Variants in ANKRD17 observed in about 807,000 individuals in gnomAD.
ANKRD17 encodes the protein ankyrin repeat domain-containing protein 17.
A neutral mutation model predicts 229.7 loss-of-function variants in ANKRD17; 19 were observed. The observed-to-expected ratio is 0.08, with a 90% CI of 0.06 to 0.12. The LOEUF (loss-of-function observed/expected upper bound fraction) is 0.12, where lower values mean the gene tolerates loss of function less well. Among genes scored for constraint, ANKRD17 ranks in the 10% least tolerant of loss-of-function variants. ANKRD17 has a pLI of 1.00. For missense variants in ANKRD17, 2,176 were observed against 3,176.8 expected, an observed-to-expected ratio of 0.68 and a Z score of 7.57; for synonymous variants, 1,112 against 1,146.1, an observed-to-expected ratio of 0.97 and a Z score of 0.60.
chr4:73,194,003 T>TACC (rs1737503353), intron 1 of ANKRD17, among the ~76,000 whole-genome samples: 1 of 152,170 alleles, frequency 6.6e-6, no homozygotes, highest in African/African-American at 2.4e-5. Flanking sequence ...TCTTAATATA[T>TACC]ACCAAACAAG....
rs200364255 is a variant in ANKRD17, at chr4:73,121,121, A to C, written c.3636-27T>G. 6.2e-4 allele frequency: 961 copies of C among 1,556,666 alleles called. 15 individuals are homozygous for C. The highest frequency in any genetic ancestry group is 8.9e-5 in the Non-Finnish European group (100 of 1,128,382). ...TAGGGGTGCAGGTATGGGGAAAACA[A>C]ATGGAAAAATATATATTTTAAATGA... On this transcript the variant is annotated intron_variant, in intron 19 of 33. Coordinates refer to ENST00000358602, the MANE Select transcript of ANKRD17 (RefSeq NM_032217.5).
chr4:73,204,866 C>T (rs1179330159), intron 1 of ANKRD17, among the ~76,000 whole-genome samples: 1 of 151,968 alleles, frequency 6.6e-6, no homozygotes, highest in East Asian at 1.9e-4. Flanking sequence ...ATAATAAAAA[C>T]AGGTAATACA....
intron 1 of ANKRD17, among the ~76,000 whole-genome samples, chr4:73,249,810 G>A (rs193201781): frequency 6.6e-6 from 1 of 152,252 alleles, no homozygotes; most frequent in East Asian, 1.9e-4. Context: ...GAGACGGCAT[G>A]GCGCCACTGC....
intron 1 of ANKRD17, among the ~76,000 whole-genome samples, chr4:73,189,787 G>C (rs1211861277): frequency 6.6e-6 from 1 of 151,690 alleles, no homozygotes; most frequent in Non-Finnish European, 1.5e-5. Context: ...TCTTGTTCTT[G>C]GATACTTGCT....
At chr4:73,084,584 G>A (rs6849701) in intron 30 of ANKRD17, among the ~76,000 whole-genome samples, 124,168 of 151,618 alleles carry the variant, frequency 0.82, 51,255 homozygotes, top group East Asian at 0.87. Context: ...AAGTAGCTGG[G>A]ATCACAGGTG....
intron 3 of ANKRD17, among the ~76,000 whole-genome samples, chr4:73,158,195 A>AGG (rs1578222206): frequency 6.6e-6 from 1 of 152,130 alleles, no homozygotes; most frequent in East Asian, 1.9e-4. Flanking sequence ...AAAGAGAGAG[A>AGG]AAGAAAGAAA....
intron 24 of ANKRD17, among the ~76,000 whole-genome samples, chr4:73,111,035 T>G (rs1725252165): frequency 6.6e-6 from 1 of 152,198 alleles, no homozygotes; most frequent in Non-Finnish European, 1.5e-5. Flanking sequence ...ACTAGGAAAG[T>G]ATTCTGCAAG....
intron 29 of ANKRD17, 44 bp from the exon 30 acceptor site, chr4:73,085,490 C>T: frequency 6.6e-7 from 1 of 1,506,046 alleles, no homozygotes; most frequent in Non-Finnish European, 9.2e-7. Flanking sequence ...GTTACTCCTG[C>T]AAGAAATAGA....
chr4:73,120,434 C>G, intron 20 of ANKRD17, 97 bp from the exon 21 acceptor site: 1 of 1,153,536 alleles, frequency 8.7e-7, no homozygotes, highest in South Asian at 1.6e-5. Context: ...TATGATACAG[C>G]TGTTACCAAG....
At chr4:73,159,556 T>C (rs1444419477) in intron 3 of ANKRD17, among the ~76,000 whole-genome samples, 2 of 152,230 alleles carry the variant, frequency 1.3e-5, no homozygotes, top group African/African-American at 2.4e-5. Context: ...TCAAACTTTG[T>C]TGAATAAATA....
In ANKRD17 at chr4:73,154,051, C is replaced by G. The variant is rs1372906375; in HGVS notation, c.1063G>C (p.Glu355Gln). ...GYVDVVKVLL[E>Q]SGASIEDHNE... is the part of the protein sequence containing the mutation. ...TGGTCCTCAATACTAGCACCGGATTCCAAGAGCACCTTTACAACATCTACA... is the reference window on the plus strand; with the variant it reads ...TGGTCCTCAATACTAGCACCGGATTGCAAGAGCACCTTTACAACATCTACA... The change falls in exon 6 of 34, where the codon GAA (glutamate) becomes CAA (glutamine). Residue 355 changes from glutamate to glutamine, a missense_variant. Around this residue, in one of 18 missense-constraint regions of ANKRD17, gnomAD observed 184 missense variants for 357.8 expected, o/e 0.51. Coordinates refer to ENST00000358602, the MANE Select transcript of ANKRD17 (RefSeq NM_032217.5). 3 of 1,612,110 alleles carry G rather than the reference C, an allele frequency of 1.9e-6. No homozygotes were observed. Among genetic ancestry groups the G allele is most frequent in the East Asian group, 2.2e-5 (1 of 44,796 alleles).
chr4:73,210,200 T>C (rs1193591101), intron 1 of ANKRD17, among the ~76,000 whole-genome samples: 1 of 152,082 alleles, frequency 6.6e-6, no homozygotes, highest in African/African-American at 2.4e-5. Flanking sequence ...TAGAAAATCC[T>C]AAGATCTACC....
At chr4:73,125,978 T>C (rs1199663774) in intron 16 of ANKRD17, among the ~76,000 whole-genome samples, 2 of 152,208 alleles carry the variant, frequency 1.3e-5, no homozygotes, top group Admixed American at 1.3e-4. Flanking sequence ...TTTGAAACGA[T>C]GGTGTTTAGA....
chr4:73,119,057 T>C (rs752172345), intron 21 of ANKRD17, among the ~76,000 whole-genome samples: 6 of 151,828 alleles, frequency 4.0e-5, no homozygotes, highest in African/African-American at 7.3e-5. Context: ...CAGCTAATTT[T>C]TAAATTTCTT....
chr4:73,154,842 C>T (rs1731440918), intron 5 of ANKRD17, among the ~76,000 whole-genome samples: 1 of 151,954 alleles, frequency 6.6e-6, no homozygotes, highest in Non-Finnish European at 1.5e-5. Context: ...GAGATCGAGA[C>T]CATCCCGGCT....
chr4:73,200,992 G>GA (rs1553935291), intron 1 of ANKRD17, among the ~76,000 whole-genome samples: 1 of 108,616 alleles, frequency 9.2e-6, no homozygotes, highest in Non-Finnish European at 1.8e-5. Context: ...ATGGGCGGGG[G>GA]GGGGGGGAGA....
At chr4:73,122,591 T>C (rs1453317027) in intron 18 of ANKRD17, among the ~76,000 whole-genome samples, 2 of 152,144 alleles carry the variant, frequency 1.3e-5, no homozygotes, top group African/African-American at 2.4e-5. Flanking sequence ...AAATAAGATA[T>C]AGAGAAGTCA....
At chr4:73,167,709 C>T (rs991060562) in intron 2 of ANKRD17, among the ~76,000 whole-genome samples, 7 of 152,186 alleles carry the variant, frequency 4.6e-5, no homozygotes, top group African/African-American at 9.7e-5. Flanking sequence ...GGTCTCTACT[C>T]TTCTGTACAA....
At chr4:73,191,339 A>ATGTGTGTGTGTGTGTGTGTGTGTG (rs1203366910) in intron 1 of ANKRD17, among the ~76,000 whole-genome samples, 64 of 60,850 alleles carry the variant, frequency 1.1e-3, no homozygotes, top group Middle Eastern at 7.7e-3. Context: ...CAAAAAATAT[A>ATGTGTGTGTGTGTGTGTGTGTGTG]TATGTGTGTG....
Sources: gnomAD v4.1 joint callset for allele counts (sites outside exome capture counted in the v4.1 genomes callset) on GRCh38, gnomAD v4.1.1 for gene constraint, gnomAD v4.1.1 regional missense constraint, MANE v1.5 for transcripts, NCBI Gene and HGNC (gene_info 2026-07-23, HGNC 2026-07-21) for gene names.